PCDHA5: variants seen among roughly 807,000 people sequenced by gnomAD.
The protein encoded by PCDHA5 is protocadherin alpha-5.
PCDHA5 carries 43 observed loss-of-function variants against 61.6 expected under a neutral mutation model. The observed-to-expected ratio is 0.70, with a 90% CI of 0.55 to 0.90. PCDHA5 has a LOEUF of 0.90. Ranked by LOEUF, PCDHA5 falls within the 40% of genes least tolerant of loss-of-function variation. The pLI is 0.00. For synonymous variants in PCDHA5, 627 were observed against 543.9 expected (o/e 1.15, Z -2.13); for missense variants, 1,298 against 1,222.7 (o/e 1.06, Z -0.92).
intron 1 of PCDHA5, among the ~76,000 whole-genome samples, chr5:140,889,031 A>C (rs1234867332): frequency 6.6e-6 from 1 of 152,012 alleles, no homozygotes; most frequent in African/African-American, 2.4e-5. Flanking sequence ...GGATAACCGT[A>C]ATTTGATTAT....
intron 1 of PCDHA5, among the ~76,000 whole-genome samples, chr5:140,901,786 T>C (rs2068901288): frequency 6.6e-6 from 1 of 152,242 alleles, no homozygotes; most frequent in South Asian, 2.1e-4. Context: ...TAGATTACTT[T>C]GGGTAGTATG....
intron 1 of PCDHA5, among the ~76,000 whole-genome samples, chr5:140,974,029 A>G (rs2096612369): frequency 6.6e-6 from 1 of 152,238 alleles, no homozygotes; most frequent in Admixed American, 6.5e-5. Flanking sequence ...ACAACTATAA[A>G]TTTAGCTTAT....
Position 140,843,748 on chromosome 5 carries a change from C to A in PCDHA5, c.2352+19621C>A. On this transcript the variant is annotated intron_variant, in intron 1 of 3. Coordinates refer to ENST00000529859, the MANE Select transcript of PCDHA5 (RefSeq NM_018908.3). ...CATTTAAATTTAGAACTCATAAATT[C>A]TATTTGTGGAAATTGTAGTTACTTT... is the stretch of plus-strand genomic sequence containing the variant. 1.3e-6 allele frequency: 2 copies of A among 1,523,192 alleles called. 1 individual carries two copies. Among genetic ancestry groups the A allele is most frequent in the Non-Finnish European group, 1.8e-6 (2 of 1,110,082 alleles). 94.4% of individuals were successfully genotyped at this position (1,523,192 alleles called of 1,614,324 possible). A position where few individuals can be genotyped will look rare whatever the true frequency, so the allele number is the denominator to read the frequency against.
At chr5:140,835,817 G>C (rs2150245565) in intron 1 of PCDHA5, 1 of 1,612,752 alleles carries the variant, frequency 6.2e-7, no homozygotes, top group Non-Finnish European at 8.5e-7. Flanking sequence ...TCACTGTGTC[G>C]GCGGGGGACG....
At chr5:140,904,443 A>G (rs1345999576) in intron 1 of PCDHA5, among the ~76,000 whole-genome samples, 8 of 151,082 alleles carry the variant, frequency 5.3e-5, no homozygotes, top group African/African-American at 1.5e-4. Flanking sequence ...GTATATTACA[A>G]TTTCTTTATA....
Position 140,828,799 on chromosome 5 carries a change from T to C in PCDHA5, c.2352+4672T>C, listed in dbSNP as rs112419059. 8.7e-3 allele frequency: 14,110 copies of C among 1,614,220 alleles called. 76 individuals carry two copies. The highest frequency in any genetic ancestry group is 0.011 in the Non-Finnish European group (12,596 of 1,180,026). ...TGCTGGTCACAGTGCTGGATGTGAATGATAATGCTCCCACTTTCGAACAGT... is the reference window on the plus strand; with the variant it reads ...TGCTGGTCACAGTGCTGGATGTGAACGATAATGCTCCCACTTTCGAACAGT... On this transcript the variant is annotated intron_variant, in intron 1 of 3. Coordinates refer to ENST00000529859, the MANE Select transcript of PCDHA5 (RefSeq NM_018908.3).
chr5:140,842,261 A>G (rs2150332955), intron 1 of PCDHA5: 25 of 1,610,966 alleles, frequency 1.6e-5, no homozygotes, highest in Non-Finnish European at 2.1e-5. Flanking sequence ...TGAACAAGAA[A>G]ACTTATACAA....
At chr5:140,964,015 A>G (rs1466689123) in intron 1 of PCDHA5, among the ~76,000 whole-genome samples, 1 of 152,178 alleles carries the variant, frequency 6.6e-6, no homozygotes. Context: ...TTTAATAGAG[A>G]GCTCTTGAAG....
At chr5:140,863,524 T>A in intron 1 of PCDHA5, 1 of 397,376 alleles carries the variant, frequency 2.5e-6, no homozygotes, top group Non-Finnish European at 4.9e-6. Context: ...CTCCCATGGT[T>A]CAGATTTTGG....
chr5:140,918,334 A>G (rs1419491986), intron 1 of PCDHA5, among the ~76,000 whole-genome samples: 1 of 152,144 alleles, frequency 6.6e-6, no homozygotes, highest in Non-Finnish European at 1.5e-5. Context: ...ATTGTCTGCT[A>G]AGAGAGATAG....
chr5:140,869,516 A>G, intron 1 of PCDHA5: 2 of 1,614,226 alleles, frequency 1.2e-6, no homozygotes, highest in Non-Finnish European at 1.7e-6. Flanking sequence ...CTCAGAGAAC[A>G]AAAGCTGCTG....
chr5:140,985,533 G>T (rs2097156708), intron 3 of PCDHA5, among the ~76,000 whole-genome samples: 1 of 152,082 alleles, frequency 6.6e-6, no homozygotes, highest in Admixed American at 6.6e-5. Context: ...AAGCTTCACG[G>T]TGAAGATGCA....
At chr5:140,920,616 C>T (rs929240808) in intron 1 of PCDHA5, among the ~76,000 whole-genome samples, 3 of 152,128 alleles carry the variant, frequency 2.0e-5, no homozygotes, top group Admixed American at 1.3e-4. Context: ...GAGGCCGAGG[C>T]GGATGGATCA....
intron 1 of PCDHA5, among the ~76,000 whole-genome samples, chr5:140,938,952 C>G (rs1036829091): frequency 4.6e-5 from 7 of 152,104 alleles, no homozygotes; most frequent in South Asian, 2.1e-4. Flanking sequence ...TTATAATGCT[C>G]TAGTCGGAGT....
At chr5:140,824,414 T>C (rs1768113861) in intron 1 of PCDHA5, 3 of 519,586 alleles carry the variant, frequency 5.8e-6, no homozygotes, top group Admixed American at 7.5e-5. Flanking sequence ...AAGACATAGT[T>C]TGGAGTCATT....
intron 1 of PCDHA5, among the ~76,000 whole-genome samples, chr5:140,949,692 T>A (rs1563239592): frequency 6.6e-6 from 1 of 151,854 alleles, no homozygotes; most frequent in Non-Finnish European, 1.5e-5. Flanking sequence ...AGCGTATTGT[T>A]GGATCTTGCT....
intron 1 of PCDHA5, chr5:140,877,567 T>C (rs1487907484): frequency 6.2e-7 from 1 of 1,613,664 alleles, no homozygotes; most frequent in East Asian, 2.2e-5. Context: ...TATTAACGTG[T>C]ACCTCATCAT....
chr5:140,927,505 G>C, intron 1 of PCDHA5: 2 of 1,614,120 alleles, frequency 1.2e-6, no homozygotes, highest in Middle Eastern at 1.6e-4. Context: ...GGTGCTTACA[G>C]CTCGGGACGG....
intron 1 of PCDHA5, among the ~76,000 whole-genome samples, chr5:140,915,554 G>A (rs1276502641): frequency 6.6e-6 from 1 of 152,036 alleles, no homozygotes; most frequent in Non-Finnish European, 1.5e-5. Context: ...ATAAGATCCA[G>A]AATGATTATC....
Sources: allele counts gnomAD v4.1 joint callset (sites outside exome capture counted in the v4.1 genomes callset), GRCh38; gene constraint gnomAD v4.1.1; transcripts MANE v1.5; gene names NCBI Gene and HGNC (gene_info 2026-07-23, HGNC 2026-07-21).